NEO1: variants seen among roughly 807,000 people sequenced by gnomAD.
NEO1 encodes neogenin.
A neutral mutation model predicts 159.7 loss-of-function variants in NEO1; 63 were observed. The observed-to-expected ratio is 0.39, with a 90% CI of 0.32 to 0.49. The LOEUF is 0.49. Ranked by LOEUF, NEO1 falls within the 20% of genes least tolerant of loss-of-function variation. The pLI is 0.85. For missense variants in NEO1, 1,615 were observed against 1,831.0 expected (o/e 0.88, Z 2.15); for synonymous variants, 633 against 662.0 (o/e 0.96, Z 0.67).
At chr15:73,083,286 G>A (rs2069168753) in intron 1 of NEO1, among the ~76,000 whole-genome samples, 1 of 152,106 alleles carries the variant, frequency 6.6e-6, no homozygotes, top group South Asian at 2.1e-4. Context: ...TGGGCGTGAT[G>A]AGAGGCTGCC....
Position 73,126,539 on chromosome 15 carries a change from A to G in NEO1, c.847A>G (p.Met283Val). ...SGLPTPTIKW[M>V]KNEEALDTES... is the part of the protein sequence containing the mutation. ...ACTTCCTACTCCAACCATTAAATGG[A>G]TGAAAAATGAGGAGGCACTTGACAC... The change falls in exon 4 of 29, where the codon ATG becomes GTG. Residue 283 changes from methionine (M) to valine (V), a missense_variant. Around this residue, in one of 3 missense-constraint regions of NEO1, gnomAD observed 1,018 missense variants for 1,115.4 expected, o/e 0.91. Transcript: ENST00000261908. 1.2e-6 allele frequency: 2 copies of G among 1,613,636 alleles called. No homozygotes were observed. Among genetic ancestry groups the G allele is most frequent in the Middle Eastern group, 1.7e-4 (1 of 6,060 alleles).
intron 1 of NEO1, among the ~76,000 whole-genome samples, chr15:73,088,628 G>T (rs1183658287): frequency 1.3e-5 from 2 of 152,158 alleles, no homozygotes; most frequent in East Asian, 3.9e-4. Flanking sequence ...TTAATAGAAT[G>T]GGTCAGGGTA....
chr15:73,195,227 A>G (rs1400071142), intron 7 of NEO1, among the ~76,000 whole-genome samples: 2 of 152,240 alleles, frequency 1.3e-5, no homozygotes, highest in Admixed American at 1.3e-4. Context: ...AGAATCTATT[A>G]TGCAGTGCTA....
In NEO1 at chr15:73,274,725, G is replaced by A. The variant is rs748507404; in HGVS notation, c.3193+1G>A. The A allele has an allele frequency of 3.1e-6, 5 of 1,612,824 alleles. No individual in the cohort carries two copies. On this transcript the variant is annotated splice_donor_variant, in intron 21 of 28. Transcript: ENST00000261908. LOFTEE classifies it high-confidence loss of function. ...TCTGATAAAATGCCTAATGATCAAG[G>A]TAAATGAGTAGATGGCCTCTCTTTT...
intron 5 of NEO1, 51 bp downstream of exon 5, chr15:73,136,078 CT>C (rs765911184): frequency 2.7e-6 from 4 of 1,506,410 alleles, no homozygotes; most frequent in Non-Finnish European, 3.5e-6. Context: ...CTTTCTGGGT[CT>C]GCTAATTTTT....
At chr15:73,167,217 A>G (rs1247452169) in intron 5 of NEO1, among the ~76,000 whole-genome samples, 1 of 151,546 alleles carries the variant, frequency 6.6e-6, no homozygotes, top group Non-Finnish European at 1.5e-5. Flanking sequence ...TGGCACTTGT[A>G]TACATATGTA....
chr15:73,266,423 T>C lies in NEO1; in HGVS notation c.2494+12T>C. ...CAGGCCTCACACAGGTAAGGTATCC[T>C]ATCTTTCCTAGTCTCCAGCACTTTT... On this transcript the variant is annotated intron_variant, in intron 16 of 28. Coordinates refer to ENST00000261908, the MANE Select transcript of NEO1 (RefSeq NM_002499.4). The C allele has an allele frequency of 6.3e-7, 1 of 1,595,824 alleles. No individual in the cohort carries two copies. Among genetic ancestry groups the C allele is most frequent in the African/African-American group, 1.3e-5 (1 of 74,454 alleles).
At chr15:73,301,568 T>C (rs2042616261) in intron 28 of NEO1, 111 bp downstream of exon 28, 1 of 1,414,200 alleles carries the variant, frequency 7.1e-7, no homozygotes, top group Admixed American at 2.0e-5. Flanking sequence ...CACCCAGAAC[T>C]ATGAAGCAGA....
At chr15:73,217,622 G>C (rs1298631435) in intron 7 of NEO1, among the ~76,000 whole-genome samples, 1 of 152,136 alleles carries the variant, frequency 6.6e-6, no homozygotes, top group African/African-American at 2.4e-5. Flanking sequence ...GTGGTTTGTA[G>C]TTCTCCTTGA....
intron 3 of NEO1, among the ~76,000 whole-genome samples, chr15:73,126,115 T>A (rs1408094077): frequency 6.6e-6 from 1 of 152,196 alleles, no homozygotes; most frequent in Non-Finnish European, 1.5e-5. Context: ...ATTTGAGAAG[T>A]GTTTGCTAAT....
At chr15:73,289,043 CT>C in intron 24 of NEO1, 102 bp from the exon 25 acceptor site, 1 of 804,258 alleles carries the variant, frequency 1.2e-6, no homozygotes, top group Non-Finnish European at 2.1e-6. Context: ...CCCCATTATG[CT>C]GTTTGTGAAT....
At chr15:73,232,974 G>T (rs2150834321) in intron 7 of NEO1, among the ~76,000 whole-genome samples, 1 of 152,296 alleles carries the variant, frequency 6.6e-6, no homozygotes, top group African/African-American at 2.4e-5. Context: ...TTCTCAGCTT[G>T]TTATATGTCT....
chr15:73,096,713 G>T (rs1366938399), intron 1 of NEO1, among the ~76,000 whole-genome samples: 2 of 152,188 alleles, frequency 1.3e-5, no homozygotes, highest in African/African-American at 4.8e-5. Context: ...GGGTGACTTT[G>T]TGAGAGTTTT....
intron 1 of NEO1, among the ~76,000 whole-genome samples, chr15:73,092,027 C>G (rs1338633454): frequency 6.6e-6 from 1 of 152,126 alleles, no homozygotes; most frequent in Admixed American, 6.5e-5. Flanking sequence ...AAATTGAACT[C>G]TCTATTCAGA....
In NEO1 at chr15:73,255,091, G is replaced by T. The variant is rs138609034; in HGVS notation, c.2092+262G>T. 1.6e-3 allele frequency among the ~76,000 whole-genome samples: 241 copies of T among 152,166 alleles called. 1 individual carries two copies. Among genetic ancestry groups the T allele is most frequent in the Non-Finnish European group, 2.5e-3 (172 of 67,994 alleles). ...CTGCATTCTCCATGTTTTCATTTTT[G>T]AGTGTATTTATTGCTTTTTTGTAAT... On this transcript the variant is annotated intron_variant, in intron 13 of 28. Transcript: ENST00000261908.
At chr15:73,134,453 T>G (rs2031509373) in intron 4 of NEO1, among the ~76,000 whole-genome samples, 1 of 152,202 alleles carries the variant, frequency 6.6e-6, no homozygotes, top group Admixed American at 6.5e-5. Context: ...GTAATGAAAT[T>G]TAAGCCAGAC....
chr15:73,274,815 T>C, intron 21 of NEO1, 91 bp downstream of exon 21: 1 of 1,169,522 alleles, frequency 8.6e-7, no homozygotes, highest in Non-Finnish European at 1.2e-6. Flanking sequence ...TTTTTTTTCC[T>C]GAAAAATCAG....
At chr15:73,101,752 A>T (rs1278624699) in intron 1 of NEO1, among the ~76,000 whole-genome samples, 4 of 152,020 alleles carry the variant, frequency 2.6e-5, no homozygotes, top group South Asian at 2.1e-4. Context: ...CCCATCCTTG[A>T]TACTCTATTG....
intron 5 of NEO1, among the ~76,000 whole-genome samples, chr15:73,151,516 AG>A (rs1478622673): frequency 6.6e-6 from 1 of 152,210 alleles, no homozygotes; most frequent in Non-Finnish European, 1.5e-5. Flanking sequence ...TGAAGGAAAG[AG>A]GTTTAATTGA....
Sources: gnomAD v4.1 joint callset for allele counts (sites outside exome capture counted in the v4.1 genomes callset) on GRCh38, gnomAD v4.1.1 for gene constraint, gnomAD v4.1.1 regional missense constraint, MANE v1.5 for transcripts, NCBI Gene and HGNC (gene_info 2026-07-23, HGNC 2026-07-21) for gene names.